NDUFA5: variants seen among roughly 807,000 people sequenced by gnomAD.
NDUFA5 encodes the protein NADH:ubiquinone oxidoreductase subunit A5, also known as NADH dehydrogenase [ubiquinone] 1 alpha subcomplex subunit 5.
Under a neutral mutation model 19.8 loss-of-function variants are expected in NDUFA5, and 11 were observed. The observed-to-expected ratio is 0.56, with a 90% CI of 0.35 to 0.92. NDUFA5 has a LOEUF of 0.92. Among genes scored for constraint, NDUFA5 ranks in the 40% least tolerant of loss-of-function variants. The pLI, the probability that NDUFA5 is intolerant of heterozygous loss-of-function variation, is 0.01. For synonymous variants in NDUFA5, 47 were observed against 46.8 expected, an observed-to-expected ratio of 1.00 and a Z score of -0.01; for missense variants, 109 against 134.2, an observed-to-expected ratio of 0.81 and a Z score of 0.93.
At chr7:123,569,979 G>C in the NDUFA5 span, among the ~76,000 whole-genome samples, 1 of 151,458 alleles carries the variant, frequency 6.6e-6, no homozygotes, top group Non-Finnish European at 1.5e-5. Flanking sequence ...CACTATGATG[G>C]GATATAAGTC....
upstream of NDUFA5, among the ~76,000 whole-genome samples, chr7:123,559,576 G>A (rs956979639): frequency 6.6e-6 from 1 of 152,122 alleles, no homozygotes; most frequent in African/African-American, 2.4e-5. Context: ...GAAAACTTCG[G>A]CTGGGCCTGG....
rs148139704 is a variant in NDUFA5, at chr7:123,540,819, G to A, written c.*1300C>T. 1 of 151,542 alleles carries A rather than the reference G, an allele frequency of 6.6e-6. No homozygotes were observed. Among genetic ancestry groups the A allele is most frequent in the East Asian group, 1.9e-4 (1 of 5,132 alleles). 9.4% of individuals were successfully genotyped at this position (151,542 alleles called of 1,614,324 possible). On this transcript the variant is annotated 3_prime_UTR_variant, in exon 5 of 5. Coordinates refer to ENST00000355749, the MANE Select transcript of NDUFA5 (RefSeq NM_005000.5). ...AGTATTCATGTTACAGCTCTATGAG[G>A]GGAGAAATATACTGGAAAGAAGGAA...
At chr7:123,568,175 TG>T in the NDUFA5 span, among the ~76,000 whole-genome samples, 2 of 152,172 alleles carry the variant, frequency 1.3e-5, no homozygotes, top group Admixed American at 6.5e-5. Flanking sequence ...CACTGAGATT[TG>T]GATTAAGTTT....
In NDUFA5 at chr7:123,546,739, T is replaced by C. The variant is rs1013786220; in HGVS notation, c.184-1063A>G. ...TGGCCCAGGGTATCTGCATCACTTG[T>C]TTCTTCACCACTTTTCAAATCTTTG... On this transcript the variant is annotated intron_variant, in intron 3 of 4. Coordinates refer to ENST00000355749, the MANE Select transcript of NDUFA5 (RefSeq NM_005000.5). 4.0e-6 allele frequency: 5 copies of C among 1,241,540 alleles called. No homozygotes were observed. In the African/African-American group the frequency reaches 6.2e-5, roughly 15 times the overall value. The allele number at this position is 1,241,540 out of a possible 1,614,324, so 76.9% of individuals were successfully genotyped here. A position where few individuals can be genotyped will look rare whatever the true frequency, so the allele number is the denominator to read the frequency against.
At chr7:123,599,469 T>C in the NDUFA5 span, among the ~76,000 whole-genome samples, 1 of 152,280 alleles carries the variant, frequency 6.6e-6, no homozygotes, top group South Asian at 2.1e-4. Flanking sequence ...GCAAGAGCTG[T>C]TTTTTAAAAT....
At chr7:123,578,375 T>A in the NDUFA5 span, among the ~76,000 whole-genome samples, 1 of 151,866 alleles carries the variant, frequency 6.6e-6, no homozygotes, top group Non-Finnish European at 1.5e-5. Context: ...AGGAAGTAAT[T>A]TGCCTTGGCC....
intron 3 of NDUFA5, among the ~76,000 whole-genome samples, chr7:123,549,653 C>A (rs1013131166): frequency 1.3e-5 from 2 of 152,140 alleles, no homozygotes; most frequent in Non-Finnish European, 2.9e-5. Context: ...TGGTGAGTGC[C>A]TGTGGTCTCA....
chr7:123,563,889 G>A, the NDUFA5 span, among the ~76,000 whole-genome samples: 1 of 152,144 alleles, frequency 6.6e-6, no homozygotes, highest in African/African-American at 2.4e-5. Flanking sequence ...CATGGGCAGT[G>A]TGAAGAAGGA....
At chr7:123,573,222 T>G in the NDUFA5 span, among the ~76,000 whole-genome samples, 1 of 151,930 alleles carries the variant, frequency 6.6e-6, no homozygotes, top group Non-Finnish European at 1.5e-5. Flanking sequence ...TCTAATATAA[T>G]TCACTTATTT....
At chr7:123,590,498 T>C in the NDUFA5 span, among the ~76,000 whole-genome samples, 4 of 152,116 alleles carry the variant, frequency 2.6e-5, no homozygotes, top group Non-Finnish European at 5.9e-5. Flanking sequence ...TAATGTTTTG[T>C]AGGGTGTAAG....
chr7:123,593,868 G>A, the NDUFA5 span, among the ~76,000 whole-genome samples: 1 of 152,200 alleles, frequency 6.6e-6, no homozygotes, highest in East Asian at 1.9e-4. Context: ...ATAGCCTGAA[G>A]AGTGTTTTCT....
At chr7:123,542,302 A>G (rs1797970502) in intron 4 of NDUFA5, 82 bp from the exon 5 acceptor site, 1 of 953,134 alleles carries the variant, frequency 1.0e-6, no homozygotes, top group Non-Finnish European at 1.6e-6. Context: ...TTTAACTATT[A>G]GTTACTACTT....
the NDUFA5 span, among the ~76,000 whole-genome samples, chr7:123,581,596 G>A: frequency 7.3e-5 from 11 of 151,674 alleles, no homozygotes; most frequent in East Asian, 3.9e-4. Context: ...AAAGTCTTTC[G>A]GTTAAACTGA....
chr7:123,546,679 C>T (rs117522587), intron 3 of NDUFA5: 38 of 1,288,154 alleles, frequency 2.9e-5, no homozygotes, highest in Non-Finnish European at 3.4e-5. Flanking sequence ...CAACACAAGA[C>T]GTGATATGTT....
the NDUFA5 span, among the ~76,000 whole-genome samples, chr7:123,591,888 T>G: frequency 3.2e-4 from 49 of 152,194 alleles, no homozygotes; most frequent in Admixed American, 5.9e-4. Context: ...CAGCTTTTCT[T>G]TGTACCTCTG....
rs766305834 is a variant in NDUFA5, at chr7:123,540,890, G to GCGCGCGCGCGCGCGCGCGCACA, written c.*1228_*1229insTGTGCGCGCGCGCGCGCGCGCG. 3.7e-5 allele frequency: 5 copies of GCGCGCGCGCGCGCGCGCGCACA among 133,908 alleles called. No homozygotes were observed. The highest frequency in any genetic ancestry group is 1.5e-4 in the African/African-American group (5 of 33,894). The allele number at this position is 133,908 out of a possible 1,614,324, so 8.3% of individuals were successfully genotyped here. A position where few individuals can be genotyped will look rare whatever the true frequency, so the allele number is the denominator to read the frequency against. On this transcript the variant is annotated 3_prime_UTR_variant, in exon 5 of 5. Transcript: ENST00000355749. Reference sequence around the variant, plus strand: ...TCTGAGCAAATGTGCGCATGCGCGTGCACACACACACACACACACACACAC... The same window carrying GCGCGCGCGCGCGCGCGCGCACA: ...TCTGAGCAAATGTGCGCATGCGCGTGCGCGCGCGCGCGCGCGCGCACACACACACACACACACACACACACAC...
chr7:123,593,915 C>A, the NDUFA5 span, among the ~76,000 whole-genome samples: 1 of 151,738 alleles, frequency 6.6e-6, no homozygotes. Context: ...TTCAGGTACA[C>A]CAATCAAACA....
rs1351481640 is a variant in NDUFA5, at chr7:123,541,353, A to G, written c.*766T>C. On this transcript the variant is annotated 3_prime_UTR_variant, in exon 5 of 5. Transcript: ENST00000355749. The stretch of plus-strand genomic sequence containing the variant: ...GAAAACTAACTTCCACAAATGCAAC[A>G]AAAGGAAAATTTCTCCAATAACCTG... The G allele has an allele frequency of 6.6e-6, 1 of 152,250 alleles. No homozygotes were observed. The highest frequency in any genetic ancestry group is 1.5e-5 in the Non-Finnish European group (1 of 68,038). The allele number at this position is 152,250 out of a possible 1,614,324, so 9.4% of individuals were successfully genotyped here.
chr7:123,600,503 TA>T, the NDUFA5 span, among the ~76,000 whole-genome samples: 5 of 152,044 alleles, frequency 3.3e-5, no homozygotes, highest in Admixed American at 1.3e-4. Flanking sequence ...ATATTGTAAG[TA>T]AAAAAAAGTT....
Sources: allele counts gnomAD v4.1 joint callset (sites outside exome capture counted in the v4.1 genomes callset), GRCh38; gene constraint gnomAD v4.1.1; transcripts MANE v1.5; gene names NCBI Gene and HGNC (gene_info 2026-07-23, HGNC 2026-07-21).